DIABLO: variants seen among roughly 807,000 people sequenced by gnomAD.
DIABLO encodes the protein diablo IAP-binding mitochondrial protein, also known as diablo homolog, mitochondrial.
A neutral mutation model predicts 31.7 loss-of-function variants in DIABLO; 32 were observed. That is an observed-to-expected ratio of 1.01 (90% CI 0.76 to 1.35). The LOEUF (loss-of-function observed/expected upper bound fraction) is 1.35. DIABLO is among the 40% of genes most tolerant of loss of function. The probability of loss-of-function intolerance (pLI) is 0.00; values close to 1 mark genes in which losing one functional copy is unlikely to be tolerated. For missense variants in DIABLO, 316 were observed against 286.4 expected (o/e 1.10, Z -0.75); for synonymous variants, 132 against 103.2 (o/e 1.28, Z -1.69).
chr12:122,216,791 C>T lies in DIABLO; in HGVS notation c.394G>A (p.Val132Met), dbSNP rs759692888. Residue 132 changes from valine to methionine, a missense_variant, in exon 4 of 6, where the codon GTG (valine) becomes ATG (methionine). Coordinates refer to ENST00000464942, the MANE Select transcript of DIABLO (RefSeq NM_001371333.1). ...GKMNSEEEDEVWQVIIGARAE... is the reference protein window; with the variant it reads ...GKMNSEEEDEMWQVIIGARAE... ...CTGGCTCCTATGATCACCTGCCACACTTCATCTTCCTCCTCTGAATTCATT... is the reference window on the plus strand; with the variant it reads ...CTGGCTCCTATGATCACCTGCCACATTTCATCTTCCTCCTCTGAATTCATT... 31 of 1,614,090 alleles carry T rather than the reference C, an allele frequency of 1.9e-5. No individual in the cohort carries two copies. In the Admixed American group the frequency reaches 4.0e-4, roughly 21 times the overall value.
At chr12:122,218,773 C>G (rs1032362573) in intron 2 of DIABLO, 4 of 291,048 alleles carry the variant, frequency 1.4e-5, no homozygotes, top group Non-Finnish European at 2.0e-5. Flanking sequence ...AACCCCGTCT[C>G]TACTAAAAAA....
intron 5 of DIABLO, among the ~76,000 whole-genome samples, chr12:122,212,483 C>T (rs142844597): frequency 2.5e-3 from 387 of 152,214 alleles, no homozygotes; most frequent in African/African-American, 7.2e-3. Context: ...ATGGATTTAT[C>T]GTCACCTCTA....
chr12:122,224,880 GGGA>G, intron 1 of DIABLO: 1 of 1,420,234 alleles, frequency 7.0e-7, no homozygotes, highest in South Asian at 1.3e-5. Context: ...AGGGCAAGGC[GGGA>G]GGATCACTTG....
intron 5 of DIABLO, among the ~76,000 whole-genome samples, chr12:122,210,142 G>C (rs1332487251): frequency 6.6e-6 from 1 of 152,120 alleles, no homozygotes; most frequent in African/African-American, 2.4e-5. Context: ...ACATTTTGAA[G>C]TGATACTGAG....
chr12:122,208,117 G>GT lies in DIABLO; in HGVS notation c.*263dup, dbSNP rs1566019020. 6 of 657,962 alleles carry GT rather than the reference G, an allele frequency of 9.1e-6. No individual in the cohort carries two copies. Among genetic ancestry groups the GT allele is most frequent in the South Asian group, 7.5e-5 (5 of 66,296 alleles). The allele number at this position is 657,962 out of a possible 1,614,324, so 40.8% of individuals were successfully genotyped here. On this transcript the variant is annotated 3_prime_UTR_variant, in exon 6 of 6. Transcript: ENST00000464942. Reference sequence around the variant, plus strand: ...GTAGGCAAAATGCTTTGGGTGTGAGGTAAAAAAAATGGGTAAGAGCAGCTG... The same window carrying GT: ...GTAGGCAAAATGCTTTGGGTGTGAGGTTAAAAAAAATGGGTAAGAGCAGCTG...
chr12:122,213,426 A>C (rs958214878), intron 5 of DIABLO, among the ~76,000 whole-genome samples: 2 of 150,702 alleles, frequency 1.3e-5, no homozygotes, highest in African/African-American at 2.5e-5. Flanking sequence ...TTGAGCCCAG[A>C]GGCTAAGGCT....
In DIABLO at chr12:122,208,158, A is replaced by C. The variant is rs748823647; in HGVS notation, c.*223T>G. 2 of 698,446 alleles carry C rather than the reference A, an allele frequency of 2.9e-6. No homozygotes were observed. The highest frequency in any genetic ancestry group is 3.0e-5 in the South Asian group (2 of 66,728). 43.3% of individuals were successfully genotyped at this position (698,446 alleles called of 1,614,324 possible). A position where few individuals can be genotyped will look rare whatever the true frequency, so the allele number is the denominator to read the frequency against. On this transcript the variant is annotated 3_prime_UTR_variant, in exon 6 of 6. Coordinates refer to ENST00000464942, the MANE Select transcript of DIABLO (RefSeq NM_001371333.1). ...AGAGCAGCTGTACAGAGTGGGGTGA[A>C]ATGTTAAACAGGGTGCAGTGCCCAA...
At chr12:122,226,813 C>T (rs993883505), upstream of DIABLO, among the ~76,000 whole-genome samples, 1 of 152,260 alleles carries the variant, frequency 6.6e-6, no homozygotes, top group Admixed American at 6.5e-5. Context: ...CCCGGCTCTT[C>T]CCCGCGCCCC....
chr12:122,218,661 G>C, intron 2 of DIABLO: 1 of 432,318 alleles, frequency 2.3e-6, no homozygotes, highest in South Asian at 2.1e-5. Context: ...ATAAATTGTG[G>C]CGGGGTACGG....
At chr12:122,213,122 A>G (rs890907487) in intron 5 of DIABLO, among the ~76,000 whole-genome samples, 2 of 151,916 alleles carry the variant, frequency 1.3e-5, no homozygotes, top group African/African-American at 4.8e-5. Flanking sequence ...TCGTGTTGTC[A>G]AGTCTGGTCT....
intron 5 of DIABLO, chr12:122,208,823 G>A (rs1451254737): frequency 1.6e-6 from 1 of 607,692 alleles, no homozygotes; most frequent in Non-Finnish European, 3.1e-6. Context: ...ATTATTAAAT[G>A]CAACTCTCAC....
At chr12:122,216,630 C>A in intron 4 of DIABLO, 46 bp from the exon 5 acceptor site, 2 of 1,586,662 alleles carry the variant, frequency 1.3e-6, no homozygotes, top group Non-Finnish European at 1.7e-6. Context: ...AGAGGTCTAG[C>A]CCATTTAAAT....
intron 5 of DIABLO, 185 bp from the exon 6 acceptor site, chr12:122,208,762 C>T (rs769214227): frequency 2.8e-6 from 2 of 706,564 alleles, no homozygotes; most frequent in Non-Finnish European, 2.5e-6. Flanking sequence ...ATTTAACTGA[C>T]ACTCTGTCAA....
At chr12:122,217,025 A>C in intron 3 of DIABLO, 156 bp from the exon 4 acceptor site, 2 of 661,008 alleles carry the variant, frequency 3.0e-6, no homozygotes, top group Non-Finnish European at 5.5e-6. Flanking sequence ...CTATGAAGTA[A>C]AGGTATCAGG....
rs1358073390 is a variant in DIABLO at position 122,225,985 on chromosome 12, G to C, written c.30C>G (p.Arg10=). 12 of 1,601,884 alleles carry C rather than the reference G, an allele frequency of 7.5e-6. No individual in the cohort carries two copies. The highest frequency in any genetic ancestry group is 1.0e-5 in the Non-Finnish European group (12 of 1,175,122). The change falls in exon 1 of 6, where the codon CGC becomes CGG. Residue 10 remains arginine (R), a synonymous_variant. Coordinates refer to ENST00000464942, the MANE Select transcript of DIABLO (RefSeq NM_001371333.1). MAALKSWLS[R]SVTSFFRYRQ... ...GGTACCTGAAGAATGAAGTTACGCTGCGCGACAGCCAACTCTTCAGAGCCG... is the reference window on the plus strand; with the variant it reads ...GGTACCTGAAGAATGAAGTTACGCTCCGCGACAGCCAACTCTTCAGAGCCG...
chr12:122,223,450 A>AT (rs1007329853), intron 2 of DIABLO, among the ~76,000 whole-genome samples: 10 of 151,726 alleles, frequency 6.6e-5, no homozygotes, highest in African/African-American at 1.7e-4. Flanking sequence ...AAAAAAAAAA[A>AT]ATATCTTCTG....
chr12:122,207,730 T>A lies in DIABLO; in HGVS notation c.*651A>T. The A allele has an allele frequency of 2.0e-6, 1 of 512,518 alleles. No homozygotes were observed. The highest frequency in any genetic ancestry group is 3.8e-6 in the Non-Finnish European group (1 of 265,724). The allele number at this position is 512,518 out of a possible 1,614,324, so 31.7% of individuals were successfully genotyped here. On this transcript the variant is annotated 3_prime_UTR_variant, in exon 6 of 6. Transcript: ENST00000464942. ...AAATCTTACACTCTTCTCCTTTGGA[T>A]ACAATAGAGAAACGGAAAGAAAGGA... is the stretch of plus-strand genomic sequence containing the variant.
At position 122,208,696 on chromosome 12, in the gene DIABLO, G is replaced by T. The variant is rs757432015; in HGVS notation, c.524-119C>A. 18 of 958,338 alleles carry T rather than the reference G, an allele frequency of 1.9e-5. No individual in the cohort carries two copies. In the Admixed American group the frequency reaches 3.6e-4, roughly 19 times the overall value. The allele number at this position is 958,338 out of a possible 1,614,324, so 59.4% of individuals were successfully genotyped here. A position where few individuals can be genotyped will look rare whatever the true frequency, so the allele number is the denominator to read the frequency against. The stretch of plus-strand genomic sequence containing the variant: ...AACCCCTCTTGGGGTCACTTTCCTT[G>T]ACCTCCCTGTCTTCTCTCTCTGCAA... On this transcript the variant is annotated intron_variant, in intron 5 of 5. Transcript: ENST00000464942.
rs913120331 is a variant in DIABLO, at chr12:122,207,672, G to A, written c.*709C>T. On this transcript the variant is annotated 3_prime_UTR_variant, in exon 6 of 6. Transcript: ENST00000464942. Reference sequence around the variant, plus strand: ...AGGAAGGAGGCTGCATAGGACCCCAGGAGAGACGCATTTTCTCTTTCAGAT... The same window carrying A: ...AGGAAGGAGGCTGCATAGGACCCCAAGAGAGACGCATTTTCTCTTTCAGAT... 21 of 632,642 alleles carry A rather than the reference G, an allele frequency of 3.3e-5. No individual in the cohort carries two copies. The Admixed American group carries it at 3.3e-4, about 10-fold the overall frequency. 39.2% of individuals were successfully genotyped at this position (632,642 alleles called of 1,614,324 possible).
Sources: gnomAD v4.1 joint callset for allele counts (sites outside exome capture counted in the v4.1 genomes callset) on GRCh38, gnomAD v4.1.1 for gene constraint, MANE v1.5 for transcripts, NCBI Gene and HGNC (gene_info 2026-07-23, HGNC 2026-07-21) for gene names.